The following ATP11A variants were observed in gnomAD, a reference collection of about 807,000 sequenced individuals.
ATP11A encodes the protein ATPase phospholipid transporting 11A, also known as phospholipid-transporting ATPase IH.
ATP11A carries 81 observed loss-of-function variants against 154.4 expected under a neutral mutation model. That is an observed-to-expected ratio of 0.52 (90% CI 0.44 to 0.63). ATP11A has a LOEUF of 0.63. Ranked by LOEUF, ATP11A falls within the 30% of genes least tolerant of loss-of-function variation. The pLI is 0.00. For synonymous variants in ATP11A, 623 were observed against 585.9 expected, an observed-to-expected ratio of 1.06 and a Z score of -0.91; for missense variants, 1,316 against 1,474.3, an observed-to-expected ratio of 0.89 and a Z score of 1.76.
Position 112,880,761 on chromosome 13 carries a change from A to G in ATP11A, c.*10-1115A>G. On this transcript the variant is annotated intron_variant, in intron 29 of 29. Transcript: ENST00000375645. ...TTGATAACAAAGGTTCACGGTGAGA[A>G]AGAGCAGCCCTCTTTACACACACAT... 2.6e-6 allele frequency: 3 copies of G among 1,167,922 alleles called. No individual in the cohort carries two copies. The South Asian group carries it at 4.9e-5, about 19-fold the overall frequency. 72.3% of individuals were successfully genotyped at this position (1,167,922 alleles called of 1,614,324 possible). A position where few individuals can be genotyped will look rare whatever the true frequency, so the allele number is the denominator to read the frequency against.
At position 112,767,143 on chromosome 13, in the gene ATP11A, G is replaced by A. The variant is rs1378282413; in HGVS notation, c.40-17992G>A. On this transcript the variant is annotated intron_variant, in intron 1 of 29. Transcript: ENST00000375645. ...CTGGGAGCCCCCGTGGAAAGGTGGG[G>A]AGGATGTAGGGGTATCGGGGGCCCC... is the stretch of plus-strand genomic sequence containing the variant. Among the ~76,000 whole-genome samples, 20 of 2,378 alleles carry A rather than the reference G, an allele frequency of 8.4e-3. 6 individuals carry two copies. Among genetic ancestry groups the A allele is most frequent in the African/African-American group, 0.028 (11 of 390 alleles). The allele number at this position is 2,378 out of a possible 152,430, so 1.6% of individuals were successfully genotyped here.
chr13:112,883,207 A>G lies in ATP11A; in HGVS notation c.*1341A>G. ...CCCACGCAGGGCTCTCCTTCGTCTTAGGATCTGTCCAGCGCTGCTCTGGGT... is the reference window on the plus strand; with the variant it reads ...CCCACGCAGGGCTCTCCTTCGTCTTGGGATCTGTCCAGCGCTGCTCTGGGT... On this transcript the variant is annotated 3_prime_UTR_variant, in exon 30 of 30. Coordinates refer to ENST00000375645, the MANE Select transcript of ATP11A (RefSeq NM_015205.3). The G allele has an allele frequency of 2.5e-6, 1 of 398,492 alleles. No homozygotes were observed. Among genetic ancestry groups the G allele is most frequent in the Non-Finnish European group, 4.4e-6 (1 of 226,190 alleles). The allele number at this position is 398,492 out of a possible 1,614,324, so 24.7% of individuals were successfully genotyped here. A position where few individuals can be genotyped will look rare whatever the true frequency, so the allele number is the denominator to read the frequency against.
intron 1 of ATP11A, among the ~76,000 whole-genome samples, chr13:112,731,091 C>G (rs771133810): frequency 6.6e-6 from 1 of 152,158 alleles, no homozygotes; most frequent in African/African-American, 2.4e-5. Context: ...GCCCACACCA[C>G]GCCCAGATAA....
intron 1 of ATP11A, among the ~76,000 whole-genome samples, chr13:112,715,482 A>ACT (rs1196865403): frequency 1.0e-4 from 3 of 30,056 alleles, no homozygotes; most frequent in Non-Finnish European, 1.5e-4. Flanking sequence ...CACCTGGCCC[A>ACT]TCCCCGTACC....
chr13:112,831,534 A>G lies in ATP11A; in HGVS notation c.1381A>G (p.Ser461Gly), dbSNP rs774177111. ...SGIDMIDSSP[S>G]VNGREREELF... Reference sequence around the variant, plus strand: ...AATCGACATGATTGACTCGTCCCCCAGCGTCAACGGGAGGGTAGGTGGCAG... The same window carrying G: ...AATCGACATGATTGACTCGTCCCCCGGCGTCAACGGGAGGGTAGGTGGCAG... The change falls in exon 13 of 30, where the codon AGC (serine) becomes GGC (glycine). Residue 461 changes from serine to glycine, a missense_variant. Physicochemically the swap from Ser to Gly is moderately conservative, Grantham distance 56. Coordinates refer to ENST00000375645, the MANE Select transcript of ATP11A (RefSeq NM_015205.3). 2 of 1,614,104 alleles carry G rather than the reference A, an allele frequency of 1.2e-6. No homozygotes were observed. Among genetic ancestry groups the G allele is most frequent in the Non-Finnish European group, 1.7e-6 (2 of 1,179,954 alleles).
intron 1 of ATP11A, among the ~76,000 whole-genome samples, chr13:112,718,951 A>G (rs1243783661): frequency 6.6e-6 from 1 of 152,202 alleles, no homozygotes; most frequent in African/African-American, 2.4e-5. Context: ...AAGTGCCGGG[A>G]TTACAGGCGT....
At chr13:112,816,280 C>T in intron 6 of ATP11A, 69 bp downstream of exon 6, 1 of 1,591,804 alleles carries the variant, frequency 6.3e-7, no homozygotes, top group South Asian at 1.1e-5. Flanking sequence ...GCCCATGCGG[C>T]CACAGAAACT....
chr13:112,875,952 T>C lies in ATP11A; in HGVS notation c.3327+11T>C, dbSNP rs2080710601. On this transcript the variant is annotated intron_variant, in intron 28 of 29. Transcript: ENST00000375645. The surrounding 1 kb of genome is among the most constrained non-coding windows in gnomAD (Gnocchi z 4.1). ...ACAGAGAGAGTCCAGGTACGGAGTG[T>C]CCCCAGCCGGGGCGGGGGTGCCTCA... 1 of 1,601,536 alleles carries C rather than the reference T, an allele frequency of 6.2e-7. No individual in the cohort carries two copies. The highest frequency in any genetic ancestry group is 8.5e-7 in the Non-Finnish European group (1 of 1,174,584).
At chr13:112,823,689 A>G (rs1457774303) in intron 9 of ATP11A, among the ~76,000 whole-genome samples, 1 of 152,258 alleles carries the variant, frequency 6.6e-6, no homozygotes, top group Admixed American at 6.5e-5. Flanking sequence ...TTAGTTGTGC[A>G]GGAAATGTTT....
chr13:112,847,348 G>T (rs1233659253), intron 17 of ATP11A, among the ~76,000 whole-genome samples: 10 of 152,216 alleles, frequency 6.6e-5, no homozygotes, highest in Admixed American at 6.5e-4. Flanking sequence ...AGATGATGAA[G>T]ATTTGCCACC....
rs1441829671 is a variant in ATP11A at position 112,753,847 on chromosome 13, G to A, written c.40-31288G>A. Among the ~76,000 whole-genome samples the A allele has an allele frequency of 6.6e-6, 1 of 152,174 alleles. No homozygotes were observed. ...AGTCAAACAGGCTTATGTTAGAAGC[G>A]CTTTTTCCAAAATGCAATGTAGAGT... On this transcript the variant is annotated intron_variant, in intron 1 of 29. Transcript: ENST00000375645. The surrounding 1 kb of genome is among the most constrained non-coding windows in gnomAD (Gnocchi z 4.1).
chr13:112,851,189 T>A lies in ATP11A; in HGVS notation c.1962T>A (p.Thr654=), dbSNP rs1566571200. The A allele has an allele frequency of 6.2e-7, 1 of 1,614,138 alleles. No homozygotes were observed. The highest frequency in any genetic ancestry group is 1.1e-5 in the South Asian group (1 of 91,086). Residue 654 remains threonine, a synonymous_variant, in exon 18 of 30, where the codon ACT becomes ACA. Coordinates refer to ENST00000375645, the MANE Select transcript of ATP11A (RefSeq NM_015205.3). ...ATGAGCAAATAGAGAAAGATCTTAC[T>A]CTGCTTGGTGCTACAGCTGTTGAGG... ...EAYEQIEKDL[T]LLGATAVEDR...
chr13:112,718,607 T>C (rs1365957357), intron 1 of ATP11A, among the ~76,000 whole-genome samples: 1 of 151,806 alleles, frequency 6.6e-6, no homozygotes, highest in Non-Finnish European at 1.5e-5. Context: ...CGAGAGATTG[T>C]CACTGGGTCC....
At chr13:112,835,784 TC>T (rs1271581039) in intron 15 of ATP11A, among the ~76,000 whole-genome samples, 1 of 152,246 alleles carries the variant, frequency 6.6e-6, no homozygotes, top group Non-Finnish European at 1.5e-5. Flanking sequence ...GGTTTTGATC[TC>T]TTAGGGTAAC....
At position 112,765,144 on chromosome 13, in the gene ATP11A, C is replaced by T. The variant is rs914294278; in HGVS notation, c.40-19991C>T. ...AAGTGCGTTGACAGTGGCTGGCTTG[C>T]CCCCCCTCCCCCCCGCCCCGGCTCT... On this transcript the variant is annotated intron_variant, in intron 1 of 29. Coordinates refer to ENST00000375645, the MANE Select transcript of ATP11A (RefSeq NM_015205.3). Among the ~76,000 whole-genome samples, 4 of 24,956 alleles carry T rather than the reference C, an allele frequency of 1.6e-4. No homozygotes were observed. In the South Asian group the frequency reaches 5.6e-3, roughly 35 times the overall value. 16.4% of individuals were successfully genotyped at this position (24,956 alleles called of 152,430 possible).
chr13:112,880,583 A>G (rs1395762596), intron 29 of ATP11A: 1 of 1,300,862 alleles, frequency 7.7e-7, no homozygotes, highest in African/African-American at 1.5e-5. Flanking sequence ...CAGGCCGCAC[A>G]GAGCAGCGAT....
chr13:112,842,472 C>A, intron 17 of ATP11A, 93 bp downstream of exon 17: 1 of 950,270 alleles, frequency 1.1e-6, no homozygotes, highest in Non-Finnish European at 1.7e-6. Flanking sequence ...CTGGGAATGG[C>A]GTATTGTATT....
chr13:112,857,978 C>A, intron 21 of ATP11A, 58 bp downstream of exon 21: 1 of 1,592,098 alleles, frequency 6.3e-7, no homozygotes, highest in East Asian at 2.2e-5. Context: ...CTTCGCTAGA[C>A]AAAGGCCCAT....
chr13:112,827,888 C>T (rs1216957569), intron 12 of ATP11A, among the ~76,000 whole-genome samples: 8 of 152,260 alleles, frequency 5.3e-5, no homozygotes, highest in Non-Finnish European at 8.8e-5. Context: ...CAGCATGTCC[C>T]ATACTCCTCA....
Sources: allele counts gnomAD v4.1 joint callset (sites outside exome capture counted in the v4.1 genomes callset), GRCh38; gene constraint gnomAD v4.1.1; non-coding constraint Gnocchi (gnomAD v3.1); transcripts MANE v1.5; gene names NCBI Gene and HGNC (gene_info 2026-07-23, HGNC 2026-07-21).